The following MPHOSPH9 variants were observed in gnomAD, a reference collection of about 807,000 sequenced individuals.
The protein encoded by MPHOSPH9 is M-phase phosphoprotein 9.
In MPHOSPH9, 88 loss-of-function variants were observed where a neutral mutation model predicts 145.5. The observed-to-expected ratio is 0.60, with a 90% CI of 0.51 to 0.72. The LOEUF is 0.72. Ranked by LOEUF, MPHOSPH9 falls within the 30% of genes least tolerant of loss-of-function variation. The pLI, the probability that MPHOSPH9 is intolerant of heterozygous loss-of-function variation, is 0.00. For synonymous variants in MPHOSPH9, 435 were observed against 486.2 expected, an observed-to-expected ratio of 0.89 and a Z score of 1.39; for missense variants, 1,238 against 1,386.6, an observed-to-expected ratio of 0.89 and a Z score of 1.70.
chr12:123,234,446 A>G (rs1286136437), upstream of MPHOSPH9, among the ~76,000 whole-genome samples: 1 of 152,076 alleles, frequency 6.6e-6, no homozygotes, highest in Non-Finnish European at 1.5e-5. Context: ...CCCAGGCTGG[A>G]GGGCAGTGGC....
intron 6 of MPHOSPH9, among the ~76,000 whole-genome samples, chr12:123,217,419 G>A (rs190955777): frequency 1.1e-3 from 173 of 151,984 alleles, no homozygotes; most frequent in African/African-American, 3.9e-3. Flanking sequence ...GGATGGTCTC[G>A]ATCTCTTGAC....
intron 8 of MPHOSPH9, among the ~76,000 whole-genome samples, chr12:123,207,425 G>A (rs918827165): frequency 3.9e-5 from 6 of 151,998 alleles, no homozygotes; most frequent in Admixed American, 6.6e-5. Flanking sequence ...ATTGGTTTCC[G>A]TCACTGAGAC....
intron 13 of MPHOSPH9, among the ~76,000 whole-genome samples, chr12:123,183,385 T>C (rs552496955): frequency 4.6e-4 from 69 of 151,414 alleles, no homozygotes; most frequent in African/African-American, 1.4e-3. Context: ...CCGTCTCTAC[T>C]AAAAATACAA....
chr12:123,207,831 C>T (rs138377250), intron 8 of MPHOSPH9, among the ~76,000 whole-genome samples: 6,957 of 135,976 alleles, frequency 0.051, 306 homozygotes, highest in East Asian at 0.28. Flanking sequence ...CCAGCCTGGG[C>T]AACAGAGCGA....
chr12:123,209,046 C>T (rs774899720), intron 8 of MPHOSPH9, among the ~76,000 whole-genome samples: 1 of 152,152 alleles, frequency 6.6e-6, no homozygotes, highest in Non-Finnish European at 1.5e-5. Context: ...GATTCTCCTG[C>T]CTCAGCCACC....
In MPHOSPH9 at chr12:123,202,773, A is replaced by G. The variant is rs1425344803; in HGVS notation, c.1632T>C (p.Ser544=). ...STFPSVYTIT[S]NDISVNTVDE... is the part of the protein sequence containing the mutation. Reference sequence around the variant, plus strand: ...CTACAGTGTTGACCGAGATATCATTACTAGTAATGGTATATACTGACGGAA... The same window carrying G: ...CTACAGTGTTGACCGAGATATCATTGCTAGTAATGGTATATACTGACGGAA... Residue 544 remains serine (S), a synonymous_variant, in exon 10 of 24, where the codon AGT becomes AGC. Coordinates refer to ENST00000606320, the MANE Select transcript of MPHOSPH9 (RefSeq NM_022782.4). 2 of 1,614,220 alleles carry G rather than the reference A, an allele frequency of 1.2e-6. No individual in the cohort carries two copies. Among genetic ancestry groups the G allele is most frequent in the South Asian group, 2.2e-5 (2 of 91,086 alleles).
chr12:123,203,763 A>G (rs1200800530), intron 8 of MPHOSPH9, among the ~76,000 whole-genome samples: 2 of 152,014 alleles, frequency 1.3e-5, no homozygotes, highest in Non-Finnish European at 2.9e-5. Flanking sequence ...GGTTCACTGC[A>G]GCCTCAATCT....
rs139087848 is a variant in MPHOSPH9, at chr12:123,202,452, T to C, written c.1782-133A>G. Reference sequence around the variant, plus strand: ...TTTCCTTTGCATACTACAAAATATATAGATTAATACACAAAAAGTTAACAA... The same window carrying C: ...TTTCCTTTGCATACTACAAAATATACAGATTAATACACAAAAAGTTAACAA... On this transcript the variant is annotated intron_variant, in intron 10 of 23. Coordinates refer to ENST00000606320, the MANE Select transcript of MPHOSPH9 (RefSeq NM_022782.4). The C allele has an allele frequency of 6.4e-3, 7,614 of 1,191,712 alleles. 26 individuals are homozygous for C. The highest frequency in any genetic ancestry group is 0.01 in the Admixed American group (382 of 37,824). 73.8% of individuals were successfully genotyped at this position (1,191,712 alleles called of 1,614,324 possible). A position where few individuals can be genotyped will look rare whatever the true frequency, so the allele number is the denominator to read the frequency against.
In MPHOSPH9 at chr12:123,159,194, T is replaced by G. The variant is rs557175428; in HGVS notation, c.3450+1587A>C. 2.6e-4 allele frequency among the ~76,000 whole-genome samples: 39 copies of G among 152,300 alleles called. No individual in the cohort carries two copies. The highest frequency in any genetic ancestry group is 9.1e-4 in the African/African-American group (38 of 41,578). Reference sequence around the variant, plus strand: ...ATTATTCTTTTTCAGAGACGGAGTCTTGCTCTGTCACCCAGGCCGAGTGCA... The same window carrying G: ...ATTATTCTTTTTCAGAGACGGAGTCGTGCTCTGTCACCCAGGCCGAGTGCA... On this transcript the variant is annotated intron_variant, in intron 23 of 23. Coordinates refer to ENST00000606320, the MANE Select transcript of MPHOSPH9 (RefSeq NM_022782.4). This position sits in a 1 kb window ranked among gnomAD's most constrained non-coding sequence, Gnocchi z 4.3.
chr12:123,182,258 T>TTG (rs1190317553), intron 13 of MPHOSPH9, among the ~76,000 whole-genome samples: 13 of 70,118 alleles, frequency 1.9e-4, no homozygotes, highest in East Asian at 0.012. Context: ...TGTTTTTTTT[T>TTG]TTGTTTTTTT....
chr12:123,168,923 C>T (rs1427382129), intron 16 of MPHOSPH9, among the ~76,000 whole-genome samples: 13 of 150,866 alleles, frequency 8.6e-5, no homozygotes, highest in East Asian at 6.0e-4. Flanking sequence ...CTCACTCTGT[C>T]GCCCAGGCTG....
rs540018877 is a variant in MPHOSPH9, at chr12:123,223,832, C to T, written c.259-705G>A. Among the ~76,000 whole-genome samples, 8 of 152,240 alleles carry T rather than the reference C, an allele frequency of 5.3e-5. 1 individual carries two copies. The East Asian group carries it at 1.3e-3, about 26-fold the overall frequency. ...AACTCCAAGCTCTCCACTAAAAACTCGTGGGGTCCTGGACAAATTAATTTG... is the reference window on the plus strand; with the variant it reads ...AACTCCAAGCTCTCCACTAAAAACTTGTGGGGTCCTGGACAAATTAATTTG... On this transcript the variant is annotated intron_variant, in intron 3 of 23. Coordinates refer to ENST00000606320, the MANE Select transcript of MPHOSPH9 (RefSeq NM_022782.4).
At chr12:123,193,133 ACACACACAC>A (rs2045786075) in intron 13 of MPHOSPH9, among the ~76,000 whole-genome samples, 1 of 148,886 alleles carries the variant, frequency 6.7e-6, no homozygotes, top group South Asian at 2.1e-4. Flanking sequence ...ACACACACAC[ACACACACAC>A]ACACACACGA....
intron 2 of MPHOSPH9, among the ~76,000 whole-genome samples, chr12:123,228,665 T>A (rs944683787): frequency 6.6e-6 from 1 of 151,970 alleles, no homozygotes; most frequent in African/African-American, 2.4e-5. Flanking sequence ...CCCAGCCTAG[T>A]GACAGAGCAA....
chr12:123,172,762 G>T (rs974485487), intron 16 of MPHOSPH9, among the ~76,000 whole-genome samples: 1 of 151,914 alleles, frequency 6.6e-6, no homozygotes, highest in Non-Finnish European at 1.5e-5. Flanking sequence ...ACAGGCTGGG[G>T]TCTGCCAACT....
intron 10 of MPHOSPH9, 48 bp from the exon 11 acceptor site, chr12:123,202,367 T>C (rs1226794195): frequency 6.6e-7 from 1 of 1,521,160 alleles, no homozygotes; most frequent in Non-Finnish European, 8.8e-7. Flanking sequence ...CTATCTTCAG[T>C]CTCCATCCCA....
chr12:123,211,392 A>C (rs1490190796), intron 7 of MPHOSPH9, among the ~76,000 whole-genome samples: 1 of 152,096 alleles, frequency 6.6e-6, no homozygotes, highest in East Asian at 1.9e-4. Context: ...AAGTGCTGGG[A>C]TTATAGGCAT....
chr12:123,168,635 C>T (rs888065918), intron 16 of MPHOSPH9, among the ~76,000 whole-genome samples: 1 of 152,070 alleles, frequency 6.6e-6, no homozygotes, highest in African/African-American at 2.4e-5. Flanking sequence ...CGCCAACGCA[C>T]CCGGCCGGCA....
chr12:123,228,991 A>C (rs1489062590), intron 2 of MPHOSPH9, among the ~76,000 whole-genome samples: 2 of 152,180 alleles, frequency 1.3e-5, no homozygotes, highest in Non-Finnish European at 2.9e-5. Context: ...TGTGCCTTTT[A>C]AAATTTCCTT....
Sources: gnomAD v4.1 joint callset for allele counts (sites outside exome capture counted in the v4.1 genomes callset) on GRCh38, gnomAD v4.1.1 for gene constraint, Gnocchi (gnomAD v3.1) non-coding constraint, MANE v1.5 for transcripts, NCBI Gene and HGNC (gene_info 2026-07-23, HGNC 2026-07-21) for gene names.